Variants in APLN observed in about 807,000 individuals in gnomAD.
APLN encodes the protein apelin.
A neutral mutation model predicts 4.3 loss-of-function variants in APLN; 2 were observed. That is an observed-to-expected ratio of 0.46 (90% CI 0.19 to 1.45). The LOEUF is 1.45. Ranked by LOEUF, APLN falls within the 40% of genes most tolerant of loss-of-function variation. The probability of loss-of-function intolerance (pLI) is 0.25; values close to 1 mark genes in which losing one functional copy is unlikely to be tolerated. For missense variants in APLN, 80 were observed against 70.0 expected, an observed-to-expected ratio of 1.14 and a Z score of -0.51; for synonymous variants, 34 against 30.4, an observed-to-expected ratio of 1.12 and a Z score of -0.38.
At position 129,646,257 on chromosome X, in the gene APLN, A is replaced by G; in HGVS notation, c.*1666T>C. On this transcript the variant is annotated 3_prime_UTR_variant, in exon 3 of 3. Transcript: ENST00000429967. ...CAGCATAGGTAAAGGGGCTTGGGGG[A>G]GGTGGATAGGCAAACATTGGGGCTA... The G allele has an allele frequency of 8.4e-6, 1 of 118,577 alleles. No homozygotes were observed. Among genetic ancestry groups the G allele is most frequent in the Non-Finnish European group, 1.8e-5 (1 of 55,663 alleles). 9.8% of individuals were successfully genotyped at this position (118,577 alleles called of 1,213,427 possible).
At chrX:129,648,362 C>A (rs1222430325) in intron 2 of APLN, among the ~76,000 whole-genome samples, 1 of 112,572 alleles carries the variant, frequency 8.9e-6, no homozygotes, top group Non-Finnish European at 1.9e-5. Context: ...CTCCCCAACC[C>A]CAGGCAGCAG....
At chrX:129,652,023 AGG>A (rs978054998) in intron 1 of APLN, among the ~76,000 whole-genome samples, 4 of 111,241 alleles carry the variant, frequency 3.6e-5, no homozygotes, top group Admixed American at 9.5e-5. Flanking sequence ...TTGCGAGGAG[AGG>A]CCTGGCTCAG....
rs1925011288 is a variant in APLN, at chrX:129,654,711, G to A, written c.-81C>T. On this transcript the variant is annotated 5_prime_UTR_variant, in exon 1 of 3. Coordinates refer to ENST00000429967, the MANE Select transcript of APLN (RefSeq NM_017413.5). ...GGCGCCCGGAGGCCAAGAAAGGCGC[G>A]AGCCGCGGCTGGCGCGTGCGGGCGC... 1.3e-5 allele frequency: 10 copies of A among 791,671 alleles called. No individual in the cohort carries two copies. The South Asian group carries it at 3.4e-4, about 27-fold the overall frequency. The allele number at this position is 791,671 out of a possible 1,213,427, so 65.2% of individuals were successfully genotyped here. A position where few individuals can be genotyped will look rare whatever the true frequency, so the allele number is the denominator to read the frequency against.
In APLN at chrX:129,647,765, G is replaced by T. The variant is rs1347492185; in HGVS notation, c.*158C>A. 3.1e-6 allele frequency: 3 copies of T among 983,122 alleles called. No individual in the cohort carries two copies. The highest frequency in any genetic ancestry group is 4.0e-6 in the Non-Finnish European group (3 of 756,139). The allele number at this position is 983,122 out of a possible 1,213,427, so 81.0% of individuals were successfully genotyped here. A position where few individuals can be genotyped will look rare whatever the true frequency, so the allele number is the denominator to read the frequency against. On this transcript the variant is annotated 3_prime_UTR_variant, in exon 3 of 3. Transcript: ENST00000429967. ...AAACTACAGCCAGGAGCACGCCACT[G>T]GGGGAAGCAGGCAGGTGAGAAGAGC...
rs1479559141 is a variant in APLN, at chrX:129,646,627, A to G, written c.*1296T>C. On this transcript the variant is annotated 3_prime_UTR_variant, in exon 3 of 3. Transcript: ENST00000429967. ...GTCCGGTCAACACGAAGGGAAGGCC[A>G]TGGAGTCCAGTGATTGAAGGCTACC... is the stretch of plus-strand genomic sequence containing the variant. 1 of 112,090 alleles carries G rather than the reference A, an allele frequency of 8.9e-6. No homozygotes were observed. The highest frequency in any genetic ancestry group is 1.9e-5 in the Non-Finnish European group (1 of 53,144). The allele number at this position is 112,090 out of a possible 1,213,427, so 9.2% of individuals were successfully genotyped here.
At position 129,648,612 on chromosome X, in the gene APLN, C is replaced by A; in HGVS notation, c.*5+9G>T. On this transcript the variant is annotated intron_variant, in intron 2 of 2. Coordinates refer to ENST00000429967, the MANE Select transcript of APLN (RefSeq NM_017413.5). ...TTTAGCACTGTCCACTGAACAGAGG[C>A]TCAAGTACCTGCTTCAGAAAGGCAT... 4.1e-6 allele frequency: 5 copies of A among 1,205,556 alleles called. No homozygotes were observed. The highest frequency in any genetic ancestry group is 5.6e-6 in the Non-Finnish European group (5 of 892,539).
chrX:129,648,175 C>T (rs1018285897), intron 2 of APLN, among the ~76,000 whole-genome samples: 5 of 111,492 alleles, frequency 4.5e-5, no homozygotes, highest in African/African-American at 6.5e-5. Context: ...CTCACAGCTC[C>T]GGGCAACCAC....
chrX:129,649,945 ACCC>A (rs1160454927), intron 1 of APLN, among the ~76,000 whole-genome samples: 2 of 111,180 alleles, frequency 1.8e-5, no homozygotes, highest in African/African-American at 6.6e-5. Context: ...CTGAGCTGCC[ACCC>A]CCAAGACAAG....
intron 1 of APLN, among the ~76,000 whole-genome samples, chrX:129,654,110 T>C (rs1936993910): frequency 8.8e-6 from 1 of 113,122 alleles, no homozygotes; most frequent in Non-Finnish European, 1.9e-5. Context: ...CCCGCGCCCC[T>C]GGACTGGCGG....
rs1466641318 is a variant in APLN at position 129,654,781 on chromosome X, C to T, written c.-151G>A. 3.8e-6 allele frequency: 1 copy of T among 261,306 alleles called. No individual in the cohort carries two copies. The highest frequency in any genetic ancestry group is 6.3e-6 in the Non-Finnish European group (1 of 157,675). 21.5% of individuals were successfully genotyped at this position (261,306 alleles called of 1,213,427 possible). On this transcript the variant is annotated 5_prime_UTR_variant, in exon 1 of 3. Transcript: ENST00000429967. ...GGCCGCTGAGTGTGCGCGCTGAGCC[C>T]CGCCGCTCCCGCTGGCCGCCTCCGC... is the stretch of plus-strand genomic sequence containing the variant.
rs1473444949 is a variant in APLN at position 129,654,587 on chromosome X, A to G, written c.44T>C (p.Leu15Pro). ...LCVQALLLLW[L>P]SLTAVCGGSL... ...ACCTCCACACACCGCGGTCAAGGAG[A>G]GCCAGAGCAGCAGGAGCGCCTGCAC... is the stretch of plus-strand genomic sequence containing the variant. The change falls in exon 1 of 3, where the codon CTC becomes CCC. Residue 15 changes from leucine (L) to proline (P), a missense_variant. Transcript: ENST00000429967. 11 of 1,154,676 alleles carry G rather than the reference A, an allele frequency of 9.5e-6. No individual in the cohort carries two copies. Among genetic ancestry groups the G allele is most frequent in the Non-Finnish European group, 1.2e-5 (10 of 869,205 alleles).
chrX:129,648,585 G>A (rs909656), intron 2 of APLN, 36 bp downstream of exon 2: 36 of 1,187,731 alleles, frequency 3.0e-5, no homozygotes, highest in Middle Eastern at 2.3e-4. Flanking sequence ...TTCTCCCTCC[G>A]CTTTAGCACT....
rs1191225463 is a variant in APLN at position 129,647,809 on chromosome X, C to T, written c.*114G>A. ...GAAGAGCTGGGCCCACTGGTGGCTA[C>T]AGCAGGTGCGAGGTGAGAGCTGAAT... On this transcript the variant is annotated 3_prime_UTR_variant, in exon 3 of 3. Coordinates refer to ENST00000429967, the MANE Select transcript of APLN (RefSeq NM_017413.5). The T allele has an allele frequency of 1.0e-6, 1 of 983,028 alleles. No individual in the cohort carries two copies. Among genetic ancestry groups the T allele is most frequent in the Non-Finnish European group, 1.3e-6 (1 of 756,101 alleles). The allele number at this position is 983,028 out of a possible 1,213,427, so 81.0% of individuals were successfully genotyped here. A position where few individuals can be genotyped will look rare whatever the true frequency, so the allele number is the denominator to read the frequency against.
At chrX:129,650,563 G>A (rs373284085) in intron 1 of APLN, among the ~76,000 whole-genome samples, 1 of 112,007 alleles carries the variant, frequency 8.9e-6, no homozygotes, top group Non-Finnish European at 1.9e-5. Flanking sequence ...CTGTTGACTT[G>A]GGTCATTTGG....
At chrX:129,650,895 A>C (rs59010477) in intron 1 of APLN, among the ~76,000 whole-genome samples, 3,385 of 111,900 alleles carry the variant, frequency 0.03, 127 homozygotes, top group African/African-American at 0.1. Flanking sequence ...GGAAGGACCT[A>C]GGGGCCTTGT....
chrX:129,648,491 C>T, intron 2 of APLN, 130 bp downstream of exon 2: 1 of 808,643 alleles, frequency 1.2e-6, no homozygotes, highest in Non-Finnish European at 1.7e-6. Context: ...AGCTCTAAGC[C>T]TCTGTGAGTG....
At chrX:129,651,603 A>G (rs1440698660) in intron 1 of APLN, among the ~76,000 whole-genome samples, 3 of 112,339 alleles carry the variant, frequency 2.7e-5, no homozygotes, top group African/African-American at 3.2e-5. Context: ...TTGCCTGCTG[A>G]AGTGCCATCA....
rs1021822269 is a variant in APLN, at chrX:129,646,189, A to C, written c.*1734T>G. On this transcript the variant is annotated 3_prime_UTR_variant, in exon 3 of 3. Transcript: ENST00000429967. ...GCACCGACCAGTCCCCACTCCAAGC[A>C]TGAGCCTTTAAGCAGCAGCAGCAGC... 1.6e-4 allele frequency: 18 copies of C among 115,463 alleles called. No individual in the cohort carries two copies. The highest frequency in any genetic ancestry group is 7.1e-4 in the African/African-American group (18 of 25,260). The allele number at this position is 115,463 out of a possible 1,213,427, so 9.5% of individuals were successfully genotyped here.
In APLN at chrX:129,645,654, G is replaced by A. The variant is rs889893302; in HGVS notation, c.*2269C>T. On this transcript the variant is annotated 3_prime_UTR_variant, in exon 3 of 3. Coordinates refer to ENST00000429967, the MANE Select transcript of APLN (RefSeq NM_017413.5). ...ATAGGGATTCATTTTGTGAGCTCAT[G>A]GCAAATCAGTTTGAGGCCAGTTGAC... The A allele has an allele frequency of 8.9e-6, 1 of 112,157 alleles. No homozygotes were observed. Among genetic ancestry groups the A allele is most frequent in the Non-Finnish European group, 1.9e-5 (1 of 53,161 alleles). 9.2% of individuals were successfully genotyped at this position (112,157 alleles called of 1,213,427 possible). A position where few individuals can be genotyped will look rare whatever the true frequency, so the allele number is the denominator to read the frequency against.
Sources: allele counts gnomAD v4.1 joint callset (sites outside exome capture counted in the v4.1 genomes callset), GRCh38; gene constraint gnomAD v4.1.1; transcripts MANE v1.5; gene names NCBI Gene and HGNC (gene_info 2026-07-23, HGNC 2026-07-21).